The following YIPF1 variants were observed in gnomAD, a reference collection of about 807,000 sequenced individuals.
The protein encoded by YIPF1 is Yip1 domain family member 1.
YIPF1 carries 22 observed loss-of-function variants against 37.0 expected under a neutral mutation model. The ratio of observed to expected loss-of-function variants is 0.59; its 90% CI spans 0.42 to 0.85. The LOEUF (loss-of-function observed/expected upper bound fraction) is 0.85, where lower values mean the gene tolerates loss of function less well. Among genes scored for constraint, YIPF1 ranks in the 40% least tolerant of loss-of-function variants. The probability of loss-of-function intolerance (pLI) is 0.00; values close to 1 mark genes in which losing one functional copy is unlikely to be tolerated. For synonymous variants in YIPF1, 128 were observed against 131.9 expected (o/e 0.97, Z 0.21); for missense variants, 355 against 373.1 (o/e 0.95, Z 0.40).
Position 53,878,682 on chromosome 1 carries a change from A to T in YIPF1, c.236T>A (p.Phe79Tyr), listed in dbSNP as rs1185724595. ...ATCAAAGAATGTTTGGTAGTATTCA[A>T]ATGTCCAGAAGGGGGAGCTTTTCTT... Reference protein sequence around the residue: ...GQKKSSPFWTFEYYQTFFDVD... With the variant: ...GQKKSSPFWTYEYYQTFFDVD... The change falls in exon 5 of 11, where the codon TTT becomes TAT. Residue 79 changes from phenylalanine to tyrosine, a missense_variant. By Grantham distance (22) the Phe-to-Tyr change is conservative. Coordinates refer to ENST00000072644, the MANE Select transcript of YIPF1 (RefSeq NM_018982.5). 2 of 1,599,396 alleles carry T rather than the reference A, an allele frequency of 1.3e-6. No individual in the cohort carries two copies. Among genetic ancestry groups the T allele is most frequent in the Non-Finnish European group, 1.7e-6 (2 of 1,177,026 alleles).
At chr1:53,858,844 C>T (rs1004226930) in intron 10 of YIPF1, among the ~76,000 whole-genome samples, 7 of 152,174 alleles carry the variant, frequency 4.6e-5, no homozygotes, top group Admixed American at 1.3e-4. Context: ...CCGCATTGCC[C>T]AGGTTGGTCT....
Position 53,866,829 on chromosome 1 carries a change from T to C in YIPF1, c.577A>G (p.Ile193Val). Residue 193 changes from isoleucine to valine, a missense_variant, in exon 8 of 11, where the codon ATC becomes GTC. Ile to Val is a conservative substitution (Grantham distance 29). Coordinates refer to ENST00000072644, the MANE Select transcript of YIPF1 (RefSeq NM_018982.5). ...LMWRNSKVMN[I>V]VSYSFLEIVC... ...ATCTCCAGAAATGAATAGGAGACGATGTTCATAACTTTGCTGTTTCTCCAC... is the reference window on the plus strand; with the variant it reads ...ATCTCCAGAAATGAATAGGAGACGACGTTCATAACTTTGCTGTTTCTCCAC... 6.2e-7 allele frequency: 1 copy of C among 1,614,214 alleles called. No homozygotes were observed. Among genetic ancestry groups the C allele is most frequent in the Non-Finnish European group, 8.5e-7 (1 of 1,180,028 alleles).
intron 9 of YIPF1, among the ~76,000 whole-genome samples, chr1:53,863,043 G>A (rs1045965474): frequency 1.3e-5 from 2 of 152,150 alleles, no homozygotes; most frequent in South Asian, 2.1e-4. Context: ...ACCTGACCAC[G>A]GGATGGTTCC....
At chr1:53,869,160 T>TCTCTCA (rs911930860) in intron 7 of YIPF1, among the ~76,000 whole-genome samples, 38 of 138,048 alleles carry the variant, frequency 2.8e-4, no homozygotes, top group African/African-American at 7.6e-4. Context: ...TCTCTCTCTC[T>TCTCTCA]CACACACACA....
At chr1:53,863,931 A>G (rs543482045) in intron 9 of YIPF1, among the ~76,000 whole-genome samples, 9 of 152,196 alleles carry the variant, frequency 5.9e-5, no homozygotes, top group African/African-American at 1.7e-4. Context: ...TGGTAAAGAC[A>G]GGGTTTAACC....
At chr1:53,888,750 G>C (rs74859257) in intron 3 of YIPF1, among the ~76,000 whole-genome samples, 157 bp downstream of exon 3, 3,156 of 152,304 alleles carry the variant, frequency 0.021, 108 homozygotes, top group African/African-American at 0.071. Flanking sequence ...AAAACAGCTG[G>C]TGTGGACAAA....
At chr1:53,873,302 C>T (rs1453186355) in intron 6 of YIPF1, among the ~76,000 whole-genome samples, 1 of 152,070 alleles carries the variant, frequency 6.6e-6, no homozygotes, top group Non-Finnish European at 1.5e-5. Flanking sequence ...GATGTGTAAG[C>T]TGGGATCTAA....
At chr1:53,861,874 C>G (rs562749489) in intron 9 of YIPF1, among the ~76,000 whole-genome samples, 2 of 152,076 alleles carry the variant, frequency 1.3e-5, no homozygotes, top group African/African-American at 4.8e-5. Flanking sequence ...ATTAGCCAGG[C>G]GTGGTGGCAC....
chr1:53,856,530 C>A (rs964452652), intron 10 of YIPF1, among the ~76,000 whole-genome samples: 3 of 152,126 alleles, frequency 2.0e-5, no homozygotes, highest in African/African-American at 7.2e-5. Context: ...TTCCCCTGTA[C>A]AGCCTAGGTC....
Position 53,855,787 on chromosome 1 carries a change from G to A in YIPF1, c.*9-3517C>T, listed in dbSNP as rs546042704. Among the ~76,000 whole-genome samples, 5 of 152,246 alleles carry A rather than the reference G, an allele frequency of 3.3e-5. No individual in the cohort carries two copies. The South Asian group carries it at 6.2e-4, about 19-fold the overall frequency. On this transcript the variant is annotated intron_variant, in intron 10 of 10. Coordinates refer to ENST00000072644, the MANE Select transcript of YIPF1 (RefSeq NM_018982.5). The stretch of plus-strand genomic sequence containing the variant: ...CACAATGATGAAACTGCCTAATGAC[G>A]CATGTCTCAGAATGCATCCCATCAT...
chr1:53,885,900 A>G (rs564851457), intron 3 of YIPF1, among the ~76,000 whole-genome samples: 14 of 151,704 alleles, frequency 9.2e-5, no homozygotes, highest in Non-Finnish European at 1.3e-4. Flanking sequence ...GAAGTGATGG[A>G]CACCCTGTTT....
At chr1:53,889,011 T>C in intron 2 of YIPF1, 25 bp from the exon 3 acceptor site, 1 of 1,317,878 alleles carries the variant, frequency 7.6e-7, no homozygotes, top group Non-Finnish European at 1.1e-6. Context: ...TAGGTAAACA[T>C]AATAGGATGA....
chr1:53,878,353 A>T lies in YIPF1; in HGVS notation c.326T>A (p.Phe109Tyr). 1 of 1,614,028 alleles carries T rather than the reference A, an allele frequency of 6.2e-7. No individual in the cohort carries two copies. The highest frequency in any genetic ancestry group is 8.5e-7 in the Non-Finnish European group (1 of 1,179,940). The change falls in exon 6 of 11, where the codon TTT becomes TAT. Residue 109 changes from phenylalanine (F) to tyrosine (Y), a missense_variant. By Grantham distance (22) the Phe-to-Tyr change is conservative (BLOSUM62 3). Coordinates refer to ENST00000072644, the MANE Select transcript of YIPF1 (RefSeq NM_018982.5). ...ATTGCTGCGGATATATAACCTCACA[A>T]AGTTTTTCCCGGGTATTGGCAAAAG... ...GSLLPIPGKN[F>Y]VRLYIRSNPD...
chr1:53,855,126 C>T (rs1340084377), intron 10 of YIPF1: 2 of 150,870 alleles, frequency 1.3e-5, no homozygotes, highest in African/African-American at 4.9e-5. Flanking sequence ...GAGCGAGTGA[C>T]AGGATAACTG....
intron 9 of YIPF1, among the ~76,000 whole-genome samples, chr1:53,864,181 G>A (rs965705224): frequency 3.3e-5 from 5 of 152,336 alleles, no homozygotes; most frequent in East Asian, 1.9e-4. Flanking sequence ...AGCCAGGCAC[G>A]TGAGGGGAAG....
chr1:53,878,361 C>T lies in YIPF1; in HGVS notation c.318G>A (p.Gly106=), dbSNP rs753923514. 1.2e-6 allele frequency: 2 copies of T among 1,614,066 alleles called. No individual in the cohort carries two copies. Among genetic ancestry groups the T allele is most frequent in the Non-Finnish European group, 8.5e-7 (1 of 1,179,988 alleles). The change falls in exon 6 of 11, where the codon GGG becomes GGA. Residue 106 remains glycine (G), a synonymous_variant. Coordinates refer to ENST00000072644, the MANE Select transcript of YIPF1 (RefSeq NM_018982.5). The stretch of plus-strand genomic sequence containing the variant: ...GGATATATAACCTCACAAAGTTTTT[C>T]CCGGGTATTGGCAAAAGAGATCCTT... The part of the protein sequence containing the change: ...RIKGSLLPIP[G]KNFVRLYIRS...
chr1:53,866,405 G>T (rs761300889), intron 8 of YIPF1, 23 bp from the exon 9 acceptor site: 1 of 1,609,408 alleles, frequency 6.2e-7, no homozygotes, highest in Admixed American at 1.7e-5. Context: ...AAAAGGAGGA[G>T]CGGGGAGTTC....
chr1:53,885,740 G>C lies in YIPF1; in HGVS notation c.32-2464C>G, dbSNP rs927025508. Among the ~76,000 whole-genome samples the C allele has an allele frequency of 3.6e-4, 53 of 146,718 alleles. 1 individual carries two copies. The highest frequency in any genetic ancestry group is 1.1e-3 in the African/African-American group (44 of 39,298). ...GGAGGGTGAGGCACAAGAATCGCTTGAAATGGGAGGTGAAGGATGCAATGA... is the reference window on the plus strand; with the variant it reads ...GGAGGGTGAGGCACAAGAATCGCTTCAAATGGGAGGTGAAGGATGCAATGA... On this transcript the variant is annotated intron_variant, in intron 3 of 10. Transcript: ENST00000072644.
At chr1:53,869,284 A>G (rs1650114828) in intron 7 of YIPF1, among the ~76,000 whole-genome samples, 1 of 152,052 alleles carries the variant, frequency 6.6e-6, no homozygotes. Context: ...AACTCAAACC[A>G]AGGTTACTGG....
Sources: allele counts gnomAD v4.1 joint callset (sites outside exome capture counted in the v4.1 genomes callset), GRCh38; gene constraint gnomAD v4.1.1; transcripts MANE v1.5; gene names NCBI Gene and HGNC (gene_info 2026-07-23, HGNC 2026-07-21).